WASF3: variants seen among roughly 807,000 people sequenced by gnomAD.
The protein encoded by WASF3 is WASP family member 3.
WASF3 carries 11 observed loss-of-function variants against 46.6 expected under a neutral mutation model. That is an observed-to-expected ratio of 0.24 (90% CI 0.15 to 0.39). The LOEUF is 0.39. Among genes scored for constraint, WASF3 ranks in the 10% least tolerant of loss-of-function variants. WASF3 has a pLI of 1.00. For synonymous variants in WASF3, 242 were observed against 259.7 expected, an observed-to-expected ratio of 0.93 and a Z score of 0.65; for missense variants, 576 against 669.8, an observed-to-expected ratio of 0.86 and a Z score of 1.55.
intron 1 of WASF3, among the ~76,000 whole-genome samples, chr13:26,591,734 G>C (rs1880301613): frequency 1.3e-5 from 2 of 152,090 alleles, no homozygotes; most frequent in Admixed American, 1.3e-4. Context: ...TGGGAATTTG[G>C]GAGTTGTCAG....
At chr13:26,601,451 G>C (rs1159623976) in intron 1 of WASF3, among the ~76,000 whole-genome samples, 1 of 152,168 alleles carries the variant, frequency 6.6e-6, no homozygotes, top group Non-Finnish European at 1.5e-5. Flanking sequence ...TCTAGACTTT[G>C]AAAGAAGCAT....
the WASF3 span, among the ~76,000 whole-genome samples, chr13:26,552,517 C>T: frequency 6.6e-6 from 1 of 152,030 alleles, no homozygotes; most frequent in Non-Finnish European, 1.5e-5. Context: ...AAATACTATC[C>T]TTCAGAAGAA....
chr13:26,584,510 A>C (rs1459469682), intron 1 of WASF3, among the ~76,000 whole-genome samples: 2 of 152,226 alleles, frequency 1.3e-5, no homozygotes, highest in Non-Finnish European at 2.9e-5. Flanking sequence ...CTTTATTGAG[A>C]GTTCTGGTCG....
At position 26,660,904 on chromosome 13, in the gene WASF3, C is replaced by T. The variant is rs533846921; in HGVS notation, c.134-4124C>T. Reference sequence around the variant, plus strand: ...TTCTGGTGAGGCCTCAGAAAGTTTCCGCTCATGAAGGAAGGTGAAGGGGAG... The same window carrying T: ...TTCTGGTGAGGCCTCAGAAAGTTTCTGCTCATGAAGGAAGGTGAAGGGGAG... On this transcript the variant is annotated intron_variant, in intron 3 of 9. Coordinates refer to ENST00000335327, the MANE Select transcript of WASF3 (RefSeq NM_006646.6). Among the ~76,000 whole-genome samples, 4 of 152,136 alleles carry T rather than the reference C, an allele frequency of 2.6e-5. No individual in the cohort carries two copies. The South Asian group carries it at 6.2e-4, about 24-fold the overall frequency.
chr13:26,665,950 T>C (rs1332368693), intron 4 of WASF3, among the ~76,000 whole-genome samples: 3 of 152,220 alleles, frequency 2.0e-5, no homozygotes, highest in Non-Finnish European at 4.4e-5. Flanking sequence ...TCTTGTTGCT[T>C]TGAAAAGATC....
chr13:26,621,301 C>T (rs1466395407), intron 2 of WASF3, among the ~76,000 whole-genome samples: 2 of 152,144 alleles, frequency 1.3e-5, no homozygotes, highest in African/African-American at 2.4e-5. Context: ...TTTCCACTAG[C>T]TAAAGCATCA....
At chr13:26,620,457 AAAGT>A (rs1309588564) in intron 2 of WASF3, 1 of 152,202 alleles carries the variant, frequency 6.6e-6, no homozygotes, top group Non-Finnish European at 1.5e-5. Flanking sequence ...TTAACTTTAA[AAAGT>A]CTGAATTAAA....
the WASF3 span, among the ~76,000 whole-genome samples, chr13:26,545,463 G>A: frequency 1.3e-5 from 2 of 151,758 alleles, no homozygotes; most frequent in Admixed American, 6.6e-5. Flanking sequence ...AATTTTGATT[G>A]CAGTAACTTT....
chr13:26,599,184 C>CTT (rs57148941), intron 1 of WASF3, among the ~76,000 whole-genome samples: 2,579 of 118,242 alleles, frequency 0.022, 208 homozygotes, highest in South Asian at 0.075. Flanking sequence ...CTTTTCATTT[C>CTT]TTTTTTTTTT....
intron 1 of WASF3, among the ~76,000 whole-genome samples, chr13:26,583,975 C>T (rs1031851053): frequency 1.3e-5 from 2 of 152,194 alleles, no homozygotes; most frequent in African/African-American, 4.8e-5. Context: ...TGTGTTTGGG[C>T]TCAGTGCATT....
chr13:26,628,067 A>G (rs202174656), intron 2 of WASF3, among the ~76,000 whole-genome samples: 1 of 68,986 alleles, frequency 1.4e-5, no homozygotes, highest in Non-Finnish European at 2.8e-5. Context: ...AATGTGTTTC[A>G]GGCCAACCTG....
chr13:26,561,596 T>TCAAA (rs1256385735), intron 1 of WASF3, among the ~76,000 whole-genome samples: 1 of 152,146 alleles, frequency 6.6e-6, no homozygotes, highest in African/African-American at 2.4e-5. Flanking sequence ...CCAGACTGTC[T>TCAAA]CAAACAGTTT....
At chr13:26,610,883 G>T (rs1880954477) in intron 1 of WASF3, among the ~76,000 whole-genome samples, 1 of 152,166 alleles carries the variant, frequency 6.6e-6, no homozygotes, top group African/African-American at 2.4e-5. Flanking sequence ...GTCAAATGAG[G>T]CTACGTATTC....
At chr13:26,660,784 G>A (rs538689092) in intron 3 of WASF3, among the ~76,000 whole-genome samples, 48 of 152,290 alleles carry the variant, frequency 3.2e-4, no homozygotes, top group South Asian at 2.5e-3. Flanking sequence ...GCGTCTTTGT[G>A]TGTTGCTGTA....
chr13:26,668,569 G>A (rs1882839322), intron 5 of WASF3, among the ~76,000 whole-genome samples: 1 of 152,238 alleles, frequency 6.6e-6, no homozygotes, highest in Non-Finnish European at 1.5e-5. Context: ...ACCCTCAGGG[G>A]CCCTTTGGCC....
intron 1 of WASF3, among the ~76,000 whole-genome samples, chr13:26,581,728 C>T (rs1181630499): frequency 6.6e-6 from 1 of 152,040 alleles, no homozygotes; most frequent in Admixed American, 6.5e-5. Context: ...AAAATTAGCG[C>T]CTACTAGAGA....
At chr13:26,576,811 C>T in intron 1 of WASF3, 1 of 424,866 alleles carries the variant, frequency 2.4e-6, no homozygotes, top group Non-Finnish European at 4.2e-6. Flanking sequence ...CTTTACCCAG[C>T]TTCCTCCAGT....
chr13:26,656,038 G>C (rs1882455566), intron 3 of WASF3, among the ~76,000 whole-genome samples: 1 of 152,124 alleles, frequency 6.6e-6, no homozygotes, highest in South Asian at 2.1e-4. Context: ...CTAGGTTCCA[G>C]TGTGTGTGCT....
At chr13:26,602,895 C>G (rs1356364408) in intron 1 of WASF3, among the ~76,000 whole-genome samples, 3 of 152,098 alleles carry the variant, frequency 2.0e-5, no homozygotes, top group Admixed American at 2.0e-4. Context: ...TTTCTTTGTC[C>G]AAATGTAAGA....
Sources: gnomAD v4.1 joint callset for allele counts (sites outside exome capture counted in the v4.1 genomes callset) on GRCh38, gnomAD v4.1.1 for gene constraint, MANE v1.5 for transcripts, NCBI Gene and HGNC (gene_info 2026-07-23, HGNC 2026-07-21) for gene names.